Variants in COL13A1 observed in about 807,000 individuals in gnomAD.
COL13A1 encodes the protein collagen alpha-1(XIII) chain.
In COL13A1, 89 loss-of-function variants were observed where a neutral mutation model predicts 130.9. The ratio of observed to expected loss-of-function variants is 0.68; its 90% CI spans 0.57 to 0.81. The LOEUF (loss-of-function observed/expected upper bound fraction) is 0.81. Among genes scored for constraint, COL13A1 ranks in the 30% least tolerant of loss-of-function variants. The probability of loss-of-function intolerance (pLI) is 0.00; values close to 1 mark genes in which losing one functional copy is unlikely to be tolerated. For missense variants in COL13A1, 879 were observed against 934.6 expected (o/e 0.94, Z 0.78); for synonymous variants, 402 against 341.6 (o/e 1.18, Z -1.95).
chr10:69,925,952 A>T, intron 26 of COL13A1, 80 bp downstream of exon 26: 1 of 1,230,712 alleles, frequency 8.1e-7, no homozygotes, highest in African/African-American at 1.5e-5. Flanking sequence ...GGGCCCTTCC[A>T]CACAGCCGAG....
chr10:69,872,502 C>G (rs891735228), intron 4 of COL13A1, among the ~76,000 whole-genome samples: 1 of 152,254 alleles, frequency 6.6e-6, no homozygotes, highest in Non-Finnish European at 1.5e-5. Flanking sequence ...GACTTCCAGA[C>G]TGATGACCCT....
chr10:69,829,849 G>A (rs1848401279), intron 2 of COL13A1, among the ~76,000 whole-genome samples: 2 of 152,326 alleles, frequency 1.3e-5, no homozygotes, highest in African/African-American at 4.8e-5. Context: ...AAGGCCCTCT[G>A]GCTCTGCGTT....
intron 34 of COL13A1, among the ~76,000 whole-genome samples, chr10:69,939,412 T>C (rs528123398): frequency 1.9e-4 from 29 of 152,368 alleles, no homozygotes; most frequent in Middle Eastern, 3.4e-3. Flanking sequence ...ATAAAAAATA[T>C]GTCAGTGGCC....
intron 17 of COL13A1, among the ~76,000 whole-genome samples, chr10:69,907,167 G>A (rs1352974328): frequency 2.0e-5 from 3 of 152,138 alleles, no homozygotes; most frequent in Non-Finnish European, 4.4e-5. Flanking sequence ...TAATTTTATG[G>A]TAGTCACTAC....
chr10:69,888,314 G>A lies in COL13A1; in HGVS notation c.560G>A (p.Gly187Glu), dbSNP rs1167375642. Reference protein sequence around the residue: ...RGFPGFPGPIGLDGKPGHPGP... With the variant: ...RGFPGFPGPIELDGKPGHPGP... ...CCTTTCTGGTTTCAGGGTCCCATTG[G>A]GCTGGACGGCAAACCGGTAAGTGGA... Residue 187 changes from glycine to glutamate, a missense_variant, in exon 9 of 41, where the codon GGG becomes GAG. Transcript: ENST00000645393. The A allele has an allele frequency of 4.3e-6, 7 of 1,612,852 alleles. No homozygotes were observed. Among genetic ancestry groups the A allele is most frequent in the South Asian group, 1.1e-5 (1 of 90,618 alleles).
chr10:69,917,237 G>A lies in COL13A1; in HGVS notation c.922-52G>A, dbSNP rs1024419483. On this transcript the variant is annotated intron_variant, in intron 17 of 40. Coordinates refer to ENST00000645393, the MANE Select transcript of COL13A1 (RefSeq NM_001368882.1). ...ATTCTCACCGACATCCTTGCAGGCT[G>A]ACAGGCCCCGAGTCTGGTCCTCTCC... 51 of 1,608,432 alleles carry A rather than the reference G, an allele frequency of 3.2e-5. No individual in the cohort carries two copies. In the Middle Eastern group the frequency reaches 6.6e-4, roughly 21 times the overall value.
intron 2 of COL13A1, among the ~76,000 whole-genome samples, chr10:69,859,713 C>T (rs1177556458): frequency 1.3e-5 from 2 of 152,248 alleles, no homozygotes; most frequent in Admixed American, 1.3e-4. Context: ...CCACTTGCCC[C>T]TCCCAGTCCA....
chr10:69,919,223 GC>G, intron 20 of COL13A1, 135 bp downstream of exon 20: 1 of 1,157,296 alleles, frequency 8.6e-7, no homozygotes, highest in Non-Finnish European at 1.3e-6. Context: ...GCAGAGAAGG[GC>G]CCACTGGTCA....
In COL13A1 at chr10:69,802,682, G is replaced by T; in HGVS notation, c.259G>T (p.Ala87Ser). The T allele has an allele frequency of 6.2e-7, 1 of 1,613,174 alleles. No individual in the cohort carries two copies. The highest frequency in any genetic ancestry group is 2.2e-5 in the East Asian group (1 of 44,862). ...AERGEQQMETAILGRVNQLLD... is the reference protein window; with the variant it reads ...AERGEQQMETSILGRVNQLLD... ...GCGCGGGGAGCAGCAAATGGAGACG[G>T]CTATTTTGGGACGAGTCAATCAACT... Residue 87 changes from alanine (A) to serine (S), a missense_variant, in exon 1 of 41, where the codon GCT becomes TCT. Transcript: ENST00000645393.
At chr10:69,921,558 A>C (rs1180179794) in intron 21 of COL13A1, among the ~76,000 whole-genome samples, 1 of 152,148 alleles carries the variant, frequency 6.6e-6, no homozygotes. Context: ...CTCCCAGGAG[A>C]CCGCCAGGAT....
intron 17 of COL13A1, among the ~76,000 whole-genome samples, chr10:69,916,172 A>G (rs1213736351): frequency 6.6e-6 from 1 of 152,196 alleles, no homozygotes; most frequent in African/African-American, 2.4e-5. Context: ...GCTGAGAAGG[A>G]AGCCAGAGAA....
rs191645879 is a variant in COL13A1 at position 69,821,842 on chromosome 10, C to T, written c.295-527C>T. Among the ~76,000 whole-genome samples the T allele has an allele frequency of 8.6e-4, 131 of 152,262 alleles. 1 individual carries two copies. Among genetic ancestry groups the T allele is most frequent in the African/African-American group, 3.0e-3 (125 of 41,544 alleles). ...ATGCTCCCACCTCTTTGGGACCTTCCAGGTAGGCTCAGTGATTTGAAGGGA... is the reference window on the plus strand; with the variant it reads ...ATGCTCCCACCTCTTTGGGACCTTCTAGGTAGGCTCAGTGATTTGAAGGGA... On this transcript the variant is annotated intron_variant, in intron 1 of 40. Coordinates refer to ENST00000645393, the MANE Select transcript of COL13A1 (RefSeq NM_001368882.1).
chr10:69,950,905 G>C (rs940465695), intron 38 of COL13A1, among the ~76,000 whole-genome samples: 1 of 152,156 alleles, frequency 6.6e-6, no homozygotes, highest in Non-Finnish European at 1.5e-5. Context: ...CTGGAGTGCA[G>C]TGGCACAATC....
At chr10:69,954,008 G>T in intron 39 of COL13A1, 1 of 152,958 alleles carries the variant, frequency 6.5e-6, no homozygotes. Flanking sequence ...GGACGGACTG[G>T]ATGCCCCATG....
At chr10:69,915,114 G>A (rs898327605) in intron 17 of COL13A1, among the ~76,000 whole-genome samples, 2 of 152,238 alleles carry the variant, frequency 1.3e-5, no homozygotes, top group Non-Finnish European at 2.9e-5. Context: ...GCATGACCTT[G>A]GCAATCATAC....
intron 38 of COL13A1, among the ~76,000 whole-genome samples, chr10:69,952,374 C>T (rs1219476101): frequency 6.6e-6 from 1 of 152,250 alleles, no homozygotes; most frequent in African/African-American, 2.4e-5. Context: ...CACATGTGCA[C>T]AAGCACATAT....
intron 7 of COL13A1, among the ~76,000 whole-genome samples, chr10:69,884,144 G>A (rs545879121): frequency 6.6e-5 from 10 of 152,272 alleles, no homozygotes; most frequent in African/African-American, 2.4e-4. Flanking sequence ...AAAGTCCAAT[G>A]GGAACTGTCA....
intron 9 of COL13A1, 114 bp from the exon 10 acceptor site, chr10:69,889,281 TGGAGCACAGGGGACAGGGA>T (rs1204880175): frequency 1.2e-4 from 134 of 1,141,704 alleles, no homozygotes; most frequent in Admixed American, 4.3e-4. Flanking sequence ...AAGGTGCAGA[TGGAGCACAGGGGACAGGGA>T]GGAGCACGGG....
chr10:69,928,904 A>G, intron 27 of COL13A1, 33 bp from the exon 28 acceptor site: 1 of 1,567,206 alleles, frequency 6.4e-7, no homozygotes, highest in Non-Finnish European at 8.8e-7. Flanking sequence ...TCCATGGGAC[A>G]GTTCTTCCAT....
Sources: allele counts gnomAD v4.1 joint callset (sites outside exome capture counted in the v4.1 genomes callset), GRCh38; gene constraint gnomAD v4.1.1; transcripts MANE v1.5; gene names NCBI Gene and HGNC (gene_info 2026-07-23, HGNC 2026-07-21).